The following PSD3 variants were observed in gnomAD, a reference collection of about 807,000 sequenced individuals.
The protein encoded by PSD3 is PH and SEC7 domain-containing protein 3.
Under a neutral mutation model 105.5 loss-of-function variants are expected in PSD3, and 49 were observed. The observed-to-expected ratio is 0.46, with a 90% CI of 0.37 to 0.59. The LOEUF (loss-of-function observed/expected upper bound fraction) is 0.59, where lower values mean the gene tolerates loss of function less well. PSD3 is among the 20% of genes least tolerant of loss of function. PSD3 has a pLI of 0.00. For synonymous variants in PSD3, 557 were observed against 457.8 expected (o/e 1.22, Z -2.77); for missense variants, 1,561 against 1,263.8 (o/e 1.24, Z -3.57).
intron 2 of PSD3, among the ~76,000 whole-genome samples, chr8:18,885,088 T>C (rs1415225075): frequency 6.6e-6 from 1 of 152,218 alleles, no homozygotes; most frequent in Non-Finnish European, 1.5e-5. Context: ...TCTCCACTCT[T>C]GTCTGCCTCT....
chr8:18,947,869 A>G (rs1483750120), intron 1 of PSD3, among the ~76,000 whole-genome samples: 1 of 152,180 alleles, frequency 6.6e-6, no homozygotes, highest in Non-Finnish European at 1.5e-5. Flanking sequence ...CTAGAAAGCT[A>G]GGACGGTACA....
In PSD3 at chr8:18,650,098, A is replaced by G. The variant is rs9918830; in HGVS notation, c.2216+5544T>C. Among the ~76,000 whole-genome samples, 627 of 152,388 alleles carry G rather than the reference A, an allele frequency of 4.1e-3. 3 individuals carry two copies. Among genetic ancestry groups the G allele is most frequent in the African/African-American group, 0.015 (610 of 41,594 alleles). On this transcript the variant is annotated intron_variant, in intron 10 of 15. Transcript: ENST00000327040. ...AAACACTGTTGTAGAAAGCAGCAAT[A>G]AACATGAAAGTCAAAGGATGAAAGA...
intron 11 of PSD3, among the ~76,000 whole-genome samples, chr8:18,613,344 G>T (rs142559866): frequency 3.3e-5 from 5 of 152,230 alleles, no homozygotes; most frequent in South Asian, 2.1e-4. Context: ...CTGTTTGCAG[G>T]GGGGAGGAGC....
intron 4 of PSD3, among the ~76,000 whole-genome samples, chr8:18,808,015 G>A (rs981465634): frequency 6.6e-6 from 1 of 152,154 alleles, no homozygotes. Context: ...TCAGGAAACT[G>A]AATAATCATT....
chr8:18,844,572 T>C (rs1220925731), intron 4 of PSD3, among the ~76,000 whole-genome samples: 2 of 152,136 alleles, frequency 1.3e-5, no homozygotes, highest in Non-Finnish European at 2.9e-5. Context: ...GAATCACTTC[T>C]ACTGAAAACA....
intron 2 of PSD3, among the ~76,000 whole-genome samples, chr8:18,890,603 T>C (rs570792915): frequency 6.6e-6 from 1 of 152,322 alleles, no homozygotes; most frequent in African/African-American, 2.4e-5. Context: ...GGTAAGCTCG[T>C]TGGGAAACAT....
chr8:18,614,226 T>C (rs79456756), intron 11 of PSD3, among the ~76,000 whole-genome samples: 31,801 of 152,054 alleles, frequency 0.21, 3,491 homozygotes, highest in Middle Eastern at 0.27. Flanking sequence ...TTAACAGCTG[T>C]GTAACTTATC....
intron 13 of PSD3, among the ~76,000 whole-genome samples, chr8:18,574,602 T>C (rs1802359794): frequency 6.6e-6 from 1 of 152,140 alleles, no homozygotes; most frequent in Non-Finnish European, 1.5e-5. Flanking sequence ...CTACTAGAGC[T>C]CAGAAGGGAA....
chr8:18,740,365 C>T (rs752903998), intron 9 of PSD3, among the ~76,000 whole-genome samples: 1 of 152,170 alleles, frequency 6.6e-6, no homozygotes, highest in Non-Finnish European at 1.5e-5. Context: ...TTCACTTCTC[C>T]TCAATTCTGA....
rs755927640 is a variant in PSD3 at position 18,535,565 on chromosome 8, G to T, written c.*178C>A. ...AGTTGCAAAAATCATCAAAGCAAAA[G>T]AAATCAAGAGCAAAGACAATCTGTA... On this transcript the variant is annotated 3_prime_UTR_variant, in exon 16 of 16. Coordinates refer to ENST00000327040, the MANE Select transcript of PSD3 (RefSeq NM_015310.4). 5 of 609,600 alleles carry T rather than the reference G, an allele frequency of 8.2e-6. No homozygotes were observed. The African/African-American group carries it at 9.2e-5, about 11-fold the overall frequency. 37.8% of individuals were successfully genotyped at this position (609,600 alleles called of 1,614,324 possible). A position where few individuals can be genotyped will look rare whatever the true frequency, so the allele number is the denominator to read the frequency against.
At chr8:18,651,647 TG>T (rs1471410481) in intron 10 of PSD3, among the ~76,000 whole-genome samples, 1 of 152,124 alleles carries the variant, frequency 6.6e-6, no homozygotes, top group Non-Finnish European at 1.5e-5. Context: ...ATAACCATAA[TG>T]GGGTGTAGAA....
At chr8:18,932,552 C>A (rs1409903538) in intron 2 of PSD3, among the ~76,000 whole-genome samples, 1 of 152,242 alleles carries the variant, frequency 6.6e-6, no homozygotes, top group Non-Finnish European at 1.5e-5. Context: ...AAAGCTGAGA[C>A]TTCTCATGGG....
chr8:18,553,782 G>T (rs1410189235), intron 15 of PSD3, among the ~76,000 whole-genome samples: 1 of 152,130 alleles, frequency 6.6e-6, no homozygotes. Flanking sequence ...ACCCCTTTTA[G>T]ATGACAGCTG....
In PSD3 at chr8:18,688,135, G is replaced by C. The variant is rs117409650; in HGVS notation, c.2173-32450C>G. ...GTTCTGTCGCTCAGGCTGGAGTGCA[G>C]TGATGCCATAATAGCTCACTGCAGC... is the stretch of plus-strand genomic sequence containing the variant. On this transcript the variant is annotated intron_variant, in intron 9 of 15. Transcript: ENST00000327040. Among the ~76,000 whole-genome samples the C allele has an allele frequency of 5.4e-3, 828 of 152,180 alleles. 6 individuals carry two copies. Among genetic ancestry groups the C allele is most frequent in the Non-Finnish European group, 9.1e-3 (621 of 68,006 alleles).
At chr8:18,744,429 G>A (rs1261751980) in intron 9 of PSD3, among the ~76,000 whole-genome samples, 2 of 152,126 alleles carry the variant, frequency 1.3e-5, no homozygotes, top group Non-Finnish European at 2.9e-5. Context: ...ACTCTACGTG[G>A]TCTTTTTAAC....
intron 2 of PSD3, among the ~76,000 whole-genome samples, chr8:18,886,780 C>T (rs145423984): frequency 1.3e-5 from 2 of 152,306 alleles, no homozygotes; most frequent in East Asian, 1.9e-4. Context: ...TTTTGCCCTG[C>T]ACTGCACACG....
chr8:18,587,932 G>A (rs79245546), intron 12 of PSD3, among the ~76,000 whole-genome samples: 5,276 of 152,224 alleles, frequency 0.035, 286 homozygotes, highest in East Asian at 0.21. Flanking sequence ...TCACATGCTG[G>A]TAGATTAGGC....
intron 2 of PSD3, among the ~76,000 whole-genome samples, chr8:18,896,945 G>C (rs914944088): frequency 1.3e-5 from 2 of 151,882 alleles, no homozygotes; most frequent in Non-Finnish European, 2.9e-5. Context: ...CGAGTAGCTG[G>C]GATTACAGGC....
intron 9 of PSD3, among the ~76,000 whole-genome samples, chr8:18,694,963 A>G (rs550881716): frequency 1.2e-3 from 187 of 152,344 alleles, no homozygotes; most frequent in African/African-American, 4.4e-3. Context: ...AATCTAATAC[A>G]TTTTTATATA....
Sources: gnomAD v4.1 joint callset for allele counts (sites outside exome capture counted in the v4.1 genomes callset) on GRCh38, gnomAD v4.1.1 for gene constraint, MANE v1.5 for transcripts, NCBI Gene and HGNC (gene_info 2026-07-23, HGNC 2026-07-21) for gene names.